Variants in RCAN1 observed in about 807,000 individuals in gnomAD.
RCAN1 encodes calcipressin-1.
A neutral mutation model predicts 22.9 loss-of-function variants in RCAN1; 11 were observed. The observed-to-expected ratio is 0.48, with a 90% confidence interval of 0.30 to 0.79. The LOEUF is 0.79. Ranked by LOEUF, RCAN1 falls within the 30% of genes least tolerant of loss-of-function variation. RCAN1 has a pLI of 0.06. For missense variants in RCAN1, 291 were observed against 337.8 expected, an observed-to-expected ratio of 0.86 and a Z score of 1.09; for synonymous variants, 136 against 142.3, an observed-to-expected ratio of 0.96 and a Z score of 0.32.
intron 1 of RCAN1, chr21:34,525,515 A>G (rs1984985500): frequency 4.0e-6 from 3 of 749,892 alleles, no homozygotes; most frequent in Non-Finnish European, 6.0e-6. Flanking sequence ...GACCTCATCA[A>G]TAGGCACTGT....
intron 1 of RCAN1, among the ~76,000 whole-genome samples, chr21:34,549,178 G>T (rs1167296749): frequency 6.6e-6 from 1 of 152,170 alleles, no homozygotes; most frequent in Non-Finnish European, 1.5e-5. Flanking sequence ...ATGAGCATGT[G>T]TGCTTTGTTT....
chr21:34,580,188 G>A (rs574373403), intron 1 of RCAN1, among the ~76,000 whole-genome samples: 1 of 78,800 alleles, frequency 1.3e-5, no homozygotes, highest in South Asian at 6.6e-4. Context: ...GTCAAGCCCA[G>A]CTTTAGAGCA....
intron 1 of RCAN1, among the ~76,000 whole-genome samples, chr21:34,550,537 T>G (rs2284582): frequency 0.24 from 36,481 of 151,816 alleles, 5,055 homozygotes; most frequent in African/African-American, 0.39. Flanking sequence ...GACACAGAGA[T>G]AGCATGTCAT....
intron 1 of RCAN1, among the ~76,000 whole-genome samples, chr21:34,585,482 A>G (rs554097641): frequency 5.3e-5 from 8 of 152,134 alleles, no homozygotes; most frequent in East Asian, 1.9e-4. Flanking sequence ...AGTGGCTCAC[A>G]CCTGTAATCC....
intron 1 of RCAN1, among the ~76,000 whole-genome samples, chr21:34,542,091 G>A (rs1225159872): frequency 1.3e-5 from 2 of 152,162 alleles, no homozygotes; most frequent in African/African-American, 2.4e-5. Context: ...AAACAGAGGT[G>A]AGGTGGGGAG....
chr21:34,590,917 T>C (rs1428339149), intron 1 of RCAN1, among the ~76,000 whole-genome samples: 8 of 152,228 alleles, frequency 5.3e-5, no homozygotes, highest in African/African-American at 1.9e-4. Flanking sequence ...CTAGAAATCC[T>C]GGGGCACAGC....
chr21:34,525,632 T>G, intron 1 of RCAN1: 1 of 349,778 alleles, frequency 2.9e-6, no homozygotes, highest in Non-Finnish European at 5.1e-6. Flanking sequence ...CAAAAGAGAA[T>G]TCACATTATC....
At chr21:34,577,540 A>C (rs1257649627) in intron 1 of RCAN1, among the ~76,000 whole-genome samples, 1 of 152,172 alleles carries the variant, frequency 6.6e-6, no homozygotes, top group Non-Finnish European at 1.5e-5. Flanking sequence ...TAGAGGCTAC[A>C]GTGAGCTGTG....
At chr21:34,613,954 C>G (rs1988748833) in intron 1 of RCAN1, 1 of 930,900 alleles carries the variant, frequency 1.1e-6, no homozygotes, top group Non-Finnish European at 1.5e-6. Flanking sequence ...GTGACGCCCA[C>G]GTTGTCCACA....
At chr21:34,611,567 G>A (rs987668825) in intron 1 of RCAN1, among the ~76,000 whole-genome samples, 1 of 152,146 alleles carries the variant, frequency 6.6e-6, no homozygotes, top group African/African-American at 2.4e-5. Flanking sequence ...AAAGAAGTTT[G>A]ATCCAGTCTT....
Position 34,516,478 on chromosome 21 carries a change from G to A in RCAN1, c.*1606C>T, listed in dbSNP as rs760441181. The A allele has an allele frequency of 2.6e-5, 4 of 152,168 alleles. No homozygotes were observed. The highest frequency in any genetic ancestry group is 5.9e-5 in the Non-Finnish European group (4 of 68,022). The allele number at this position is 152,168 out of a possible 1,614,324, so 9.4% of individuals were successfully genotyped here. A position where few individuals can be genotyped will look rare whatever the true frequency, so the allele number is the denominator to read the frequency against. On this transcript the variant is annotated 3_prime_UTR_variant, in exon 4 of 4. Transcript: ENST00000313806. The stretch of plus-strand genomic sequence containing the variant: ...CACAGATTTATTCTAGAAATAAAAT[G>A]ACAACTTTTCTGTAAGGAGCATACT...
At position 34,614,325 on chromosome 21, in the gene RCAN1, C is replaced by A; in HGVS notation, c.252+435G>T. On this transcript the variant is annotated intron_variant, in intron 1 of 3. Transcript: ENST00000313806. The surrounding 1 kb of genome is among the most constrained non-coding windows in gnomAD (Gnocchi z 6.0). ...ATAGTGCAGATTGGGAATGCAGGGA[C>A]GTCGTCCTATTTATGAACACTGAGT... The A allele has an allele frequency of 1.0e-6, 1 of 990,408 alleles. No homozygotes were observed. Among genetic ancestry groups the A allele is most frequent in the Non-Finnish European group, 1.2e-6 (1 of 833,434 alleles). 61.4% of individuals were successfully genotyped at this position (990,408 alleles called of 1,614,324 possible). A position where few individuals can be genotyped will look rare whatever the true frequency, so the allele number is the denominator to read the frequency against.
chr21:34,609,976 T>C (rs1485042852), intron 1 of RCAN1, among the ~76,000 whole-genome samples: 1 of 152,184 alleles, frequency 6.6e-6, no homozygotes, highest in Non-Finnish European at 1.5e-5. Context: ...GGAGATAAGA[T>C]CATTTAAGGG....
chr21:34,560,817 GA>G (rs1289769913), intron 1 of RCAN1, among the ~76,000 whole-genome samples: 1 of 152,140 alleles, frequency 6.6e-6, no homozygotes, highest in Non-Finnish European at 1.5e-5. Flanking sequence ...GTCAAATAAA[GA>G]AACAAAAGAG....
chr21:34,596,444 G>C (rs182068677), intron 1 of RCAN1, among the ~76,000 whole-genome samples: 5 of 152,118 alleles, frequency 3.3e-5, no homozygotes, highest in African/African-American at 1.2e-4. Flanking sequence ...GAAAAAACTC[G>C]AAGTGCAAGC....
intron 1 of RCAN1, among the ~76,000 whole-genome samples, chr21:34,552,637 A>G (rs996291962): frequency 2.6e-5 from 4 of 151,842 alleles, no homozygotes; most frequent in African/African-American, 9.7e-5. Context: ...TGCAGACTCC[A>G]TTCCTAACTG....
In RCAN1 at chr21:34,530,616, G is replaced by GTTTTTTTTT. The variant is rs59150851; in HGVS notation, c.253-6915_253-6907dup. Among the ~76,000 whole-genome samples the GTTTTTTTTT allele has an allele frequency of 8.3e-4, 55 of 66,186 alleles. 3 individuals carry two copies. Among genetic ancestry groups the GTTTTTTTTT allele is most frequent in the East Asian group, 2.3e-3 (4 of 1,714 alleles). 43.4% of individuals were successfully genotyped at this position (66,186 alleles called of 152,430 possible). A position where few individuals can be genotyped will look rare whatever the true frequency, so the allele number is the denominator to read the frequency against. On this transcript the variant is annotated intron_variant, in intron 1 of 3. Coordinates refer to ENST00000313806, the MANE Select transcript of RCAN1 (RefSeq NM_004414.7). ...TTTTTGCTTCTAAGATAGTGAAATA[G>GTTTTTTTTT]TTTTTTTTTTTTTTTTTTTTTTTTT...
chr21:34,555,188 A>G (rs1986511381), intron 1 of RCAN1, among the ~76,000 whole-genome samples: 1 of 152,226 alleles, frequency 6.6e-6, no homozygotes, highest in Non-Finnish European at 1.5e-5. Context: ...ACCAGATGAA[A>G]AGAGACAGAA....
At chr21:34,537,845 T>C (rs1232447061) in intron 1 of RCAN1, among the ~76,000 whole-genome samples, 1 of 148,880 alleles carries the variant, frequency 6.7e-6, no homozygotes, top group Non-Finnish European at 1.5e-5. Context: ...TGTGTGTGTG[T>C]GTACTTATTT....
Sources: gnomAD v4.1 joint callset for allele counts (sites outside exome capture counted in the v4.1 genomes callset) on GRCh38, gnomAD v4.1.1 for gene constraint, Gnocchi (gnomAD v3.1) non-coding constraint, MANE v1.5 for transcripts, NCBI Gene and HGNC (gene_info 2026-07-23, HGNC 2026-07-21) for gene names.